The following ATP7B variants were observed in gnomAD, a reference collection of about 807,000 sequenced individuals.
ATP7B encodes ATPase copper transporting beta, also known as copper-transporting ATPase 2.
ATP7B carries 113 observed loss-of-function variants against 118.9 expected under a neutral mutation model. The observed-to-expected ratio is 0.95, with a 90% confidence interval of 0.82 to 1.11. The LOEUF (loss-of-function observed/expected upper bound fraction) is 1.11, where lower values mean the gene tolerates loss of function less well. Among genes scored for constraint, ATP7B ranks in the 50% most tolerant of loss-of-function variants. ATP7B has a pLI of 0.00. For synonymous variants in ATP7B, 777 were observed against 727.4 expected, an observed-to-expected ratio of 1.07 and a Z score of -1.10; for missense variants, 1,867 against 1,871.4, an observed-to-expected ratio of 1.00 and a Z score of 0.04.
chr13:51,990,928 A>T (rs1022682577), intron 1 of ATP7B, among the ~76,000 whole-genome samples: 2 of 152,184 alleles, frequency 1.3e-5, no homozygotes, highest in Non-Finnish European at 2.9e-5. Context: ...TCTCTACTAA[A>T]AATACAAATA....
chr13:51,965,064 A>G, intron 4 of ATP7B, 31 bp from the exon 5 acceptor site: 1 of 1,613,112 alleles, frequency 6.2e-7, no homozygotes, highest in Non-Finnish European at 8.5e-7. Context: ...AATCCCACAG[A>G]CCCAGGATCA....
chr13:51,974,814 T>A lies in ATP7B; in HGVS notation c.406A>T (p.Arg136Trp), dbSNP rs557577836. Residue 136 changes from arginine to tryptophan, a missense_variant, in exon 2 of 21, where the codon AGG becomes TGG. By Grantham distance (101) the Arg-to-Trp change is moderately radical. Transcript: ENST00000242839. ...ACAGCCTCCTGGGCAGGCAAGGACCTTGAGGGCCAGGAGGCTGCCTTTCCT... is the reference window on the plus strand; with the variant it reads ...ACAGCCTCCTGGGCAGGCAAGGACCATGAGGGCCAGGAGGCTGCCTTTCCT... ...AEGKAASWPSRSLPAQEAVVK... is the reference protein window; with the variant it reads ...AEGKAASWPSWSLPAQEAVVK... 6.6e-5 allele frequency: 106 copies of A among 1,614,092 alleles called. 1 individual carries two copies. Among genetic ancestry groups the A allele is most frequent in the South Asian group, 3.8e-4 (35 of 91,090 alleles).
rs1956814346 is a variant in ATP7B, at chr13:51,933,746, C to G, written c.*1010G>C. 1 of 152,210 alleles carries G rather than the reference C, an allele frequency of 6.6e-6. No homozygotes were observed. Among genetic ancestry groups the G allele is most frequent in the Non-Finnish European group, 1.5e-5 (1 of 68,078 alleles). The allele number at this position is 152,210 out of a possible 1,614,324, so 9.4% of individuals were successfully genotyped here. A position where few individuals can be genotyped will look rare whatever the true frequency, so the allele number is the denominator to read the frequency against. On this transcript the variant is annotated 3_prime_UTR_variant, in exon 21 of 21. Transcript: ENST00000242839. ...CTAGTCACATGAATTCTCTACTGAACCCCACGAGGTGACAGTCAGAAGACT... is the reference window on the plus strand; with the variant it reads ...CTAGTCACATGAATTCTCTACTGAAGCCCACGAGGTGACAGTCAGAAGACT...
intron 1 of ATP7B, among the ~76,000 whole-genome samples, chr13:51,995,552 G>A (rs903399111): frequency 6.6e-6 from 1 of 152,160 alleles, no homozygotes; most frequent in Non-Finnish European, 1.5e-5. Context: ...TTTCTCTATC[G>A]CTGAGTTCAC....
intron 9 of ATP7B, among the ~76,000 whole-genome samples, chr13:51,954,746 A>T (rs1227415954): frequency 6.6e-6 from 1 of 152,206 alleles, no homozygotes; most frequent in African/African-American, 2.4e-5. Flanking sequence ...GGTGAAGAAG[A>T]ATACAGACAG....
rs755218710 is a variant in ATP7B at position 51,958,341 on chromosome 13, G to T, written c.2325C>A (p.Ala775=). Residue 775 remains alanine, a synonymous_variant, in exon 8 of 21, where the codon GCC becomes GCA. Transcript: ENST00000242839. ...DTPPMLFVFI[A]LGRWLEHLAK... ...CCAAGTGTTCCAGCCACCGGCCCAG[G>T]GCAATGAACACAAAGAGCATGGGGG... 6.2e-6 allele frequency: 10 copies of T among 1,614,188 alleles called. No homozygotes were observed. The highest frequency in any genetic ancestry group is 8.5e-6 in the Non-Finnish European group (10 of 1,180,046).
In ATP7B at chr13:51,934,742, C is replaced by T; in HGVS notation, c.*14G>A. Reference sequence around the variant, plus strand: ...GGAGGCAAGTCCCTGCCCCGGCCCGCCTGCCTGAAGTCATCAGATGTACTG... The same window carrying T: ...GGAGGCAAGTCCCTGCCCCGGCCCGTCTGCCTGAAGTCATCAGATGTACTG... On this transcript the variant is annotated 3_prime_UTR_variant, in exon 21 of 21. Transcript: ENST00000242839. 1 of 1,612,654 alleles carries T rather than the reference C, an allele frequency of 6.2e-7. No homozygotes were observed. Among genetic ancestry groups the T allele is most frequent in the East Asian group, 2.2e-5 (1 of 44,884 alleles).
intron 9 of ATP7B, among the ~76,000 whole-genome samples, chr13:51,955,878 T>G (rs935678194): frequency 2.0e-5 from 3 of 152,094 alleles, no homozygotes; most frequent in Non-Finnish European, 4.4e-5. Context: ...GGGTCCTGTT[T>G]GGGGGCAGCG....
chr13:51,998,712 A>G (rs1435720999), intron 1 of ATP7B, among the ~76,000 whole-genome samples: 1 of 152,226 alleles, frequency 6.6e-6, no homozygotes, highest in African/African-American at 2.4e-5. Context: ...CTGTATAAAA[A>G]TAAATATCTC....
In ATP7B at chr13:51,941,210, T is replaced by A. The variant is rs1485647003; in HGVS notation, c.3427A>T (p.Thr1143Ser). The A allele has an allele frequency of 1.6e-5, 26 of 1,614,068 alleles. No homozygotes were observed. The highest frequency in any genetic ancestry group is 2.2e-5 in the Non-Finnish European group (26 of 1,180,010). ...CGGTTTCCAATCAGCACAGAGAAGGTCTGGGGGACTGCATCTATTCAAAAG... is the reference window on the plus strand; with the variant it reads ...CGGTTTCCAATCAGCACAGAGAAGGACTGGGGGACTGCATCTATTCAAAAG... ...LPAEKDAVPQ[T>S]FSVLIGNREW... is the part of the protein sequence containing the mutation. Residue 1143 changes from threonine to serine, a missense_variant, in exon 16 of 21, where the codon ACC becomes TCC. Transcript: ENST00000242839.
Position 51,937,511 on chromosome 13 carries a change from C to T in ATP7B, c.3868G>A (p.Val1290Met). 6.2e-7 allele frequency: 1 copy of T among 1,614,186 alleles called. No homozygotes were observed. The highest frequency in any genetic ancestry group is 8.5e-7 in the Non-Finnish European group (1 of 1,180,034). Residue 1290 changes from valine (V) to methionine (M), a missense_variant, in exon 18 of 21, where the codon GTG becomes ATG. Coordinates refer to ENST00000242839, the MANE Select transcript of ATP7B (RefSeq NM_000053.4). ...ACGACGTCGGCTGCCTCGATGGCCA[C>T]ATCCGTGCCGGTGCCAATGGCCACA... ...MGVAIGTGTD[V>M]AIEAADVVLI...
intron 5 of ATP7B, among the ~76,000 whole-genome samples, chr13:51,962,222 T>G (rs924362966): frequency 6.6e-6 from 1 of 152,166 alleles, no homozygotes; most frequent in Non-Finnish European, 1.5e-5. Flanking sequence ...CTTCATTCCA[T>G]GTATGAGGAA....
intron 17 of ATP7B, among the ~76,000 whole-genome samples, chr13:51,937,967 C>A (rs548429752): frequency 1.3e-5 from 2 of 152,330 alleles, no homozygotes; most frequent in Admixed American, 1.3e-4. Context: ...GTGCTGCCCC[C>A]ATGGTCTTTC....
Position 52,009,510 on chromosome 13 carries a change from C to G in ATP7B, c.51+1777G>C, listed in dbSNP as rs1953926446. ...CTGTTTTTGGCCAAGCTTAGAGCCC[C>G]CACACTTTCTGTAACCTCAGGATAG... On this transcript the variant is annotated intron_variant, in intron 1 of 20. Coordinates refer to ENST00000242839, the MANE Select transcript of ATP7B (RefSeq NM_000053.4). Among the ~76,000 whole-genome samples the G allele has an allele frequency of 2.6e-5, 4 of 152,146 alleles. No homozygotes were observed. The South Asian group carries it at 8.3e-4, about 31-fold the overall frequency.
intron 7 of ATP7B, chr13:51,958,754 C>A: frequency 1.7e-6 from 1 of 598,244 alleles, no homozygotes; most frequent in Non-Finnish European, 3.0e-6. Context: ...GCATGTGAGA[C>A]CTTTAAAACC....
chr13:51,939,211 G>A lies in ATP7B; in HGVS notation c.3557-18C>T, dbSNP rs751039401. On this transcript the variant is annotated intron_variant, in intron 16 of 20. Coordinates refer to ENST00000242839, the MANE Select transcript of ATP7B (RefSeq NM_000053.4). ...GAGCACACCTGGAGCGAACCAGCCA[G>A]CATCAGCAGCTACACAAGTTGGGGC... 2.5e-6 allele frequency: 4 copies of A among 1,611,654 alleles called. No individual in the cohort carries two copies. The African/African-American group carries it at 5.3e-5, about 21-fold the overall frequency.
At position 51,958,477 on chromosome 13, in the gene ATP7B, T is replaced by TC. The variant is rs1958503241; in HGVS notation, c.2188dup (p.Asp730GlyfsTer25). On this transcript the variant is annotated frameshift_variant, in exon 8 of 21. Transcript: ENST00000242839. LOFTEE classifies it high-confidence loss of function. ...GCTTGTGGCCAGGACGATGAGCACG[T>TC]CCATGTTGGCTGACCTGTGTCTCAG... The TC allele has an allele frequency of 6.2e-7, 1 of 1,614,092 alleles. No individual in the cohort carries two copies. Among genetic ancestry groups the TC allele is most frequent in the African/African-American group, 1.3e-5 (1 of 74,930 alleles).
intron 13 of ATP7B, 110 bp from the exon 14 acceptor site, chr13:51,944,401 A>G (rs1957527681): frequency 1.5e-6 from 2 of 1,318,194 alleles, no homozygotes; most frequent in Non-Finnish European, 2.1e-6. Flanking sequence ...GAAACAAGAC[A>G]CCTGCACAGC....
At chr13:51,984,255 A>G (rs1952549082) in intron 1 of ATP7B, among the ~76,000 whole-genome samples, 2 of 152,112 alleles carry the variant, frequency 1.3e-5, no homozygotes. Flanking sequence ...CAGCACAAGA[A>G]CTTCGTGAAG....
Sources: gnomAD v4.1 joint callset for allele counts (sites outside exome capture counted in the v4.1 genomes callset) on GRCh38, gnomAD v4.1.1 for gene constraint, MANE v1.5 for transcripts, NCBI Gene and HGNC (gene_info 2026-07-23, HGNC 2026-07-21) for gene names.